The following SYT14 variants were observed in gnomAD, a reference collection of about 807,000 sequenced individuals.
SYT14 encodes synaptotagmin-14.
SYT14 carries 32 observed loss-of-function variants against 74.2 expected under a neutral mutation model. The observed-to-expected ratio is 0.43, with a 90% CI of 0.33 to 0.58. The LOEUF is 0.58. Among genes scored for constraint, SYT14 ranks in the 20% least tolerant of loss-of-function variants. The pLI, the probability that SYT14 is intolerant of heterozygous loss-of-function variation, is 0.05. For missense variants in SYT14, 791 were observed against 981.8 expected (o/e 0.81, Z 2.60); for synonymous variants, 298 against 337.7 (o/e 0.88, Z 1.29).
At chr1:209,941,548 C>T (rs1253426444) in intron 1 of SYT14, among the ~76,000 whole-genome samples, 1 of 152,196 alleles carries the variant, frequency 6.6e-6, no homozygotes, top group Non-Finnish European at 1.5e-5. Context: ...ATTTCCTCCT[C>T]TCTTGATTAC....
intron 5 of SYT14, among the ~76,000 whole-genome samples, chr1:210,043,590 G>C (rs1174030551): frequency 1.3e-5 from 2 of 152,164 alleles, no homozygotes; most frequent in Non-Finnish European, 2.9e-5. Flanking sequence ...TTTGGAACCA[G>C]AATTAACAAG....
At chr1:209,982,128 A>G (rs931356958) in intron 2 of SYT14, among the ~76,000 whole-genome samples, 3 of 152,066 alleles carry the variant, frequency 2.0e-5, no homozygotes, top group African/African-American at 4.8e-5. Flanking sequence ...ACATAGTCCC[A>G]TATTTCTCAA....
chr1:210,055,587 C>T (rs1264465480), intron 5 of SYT14, among the ~76,000 whole-genome samples: 1 of 151,260 alleles, frequency 6.6e-6, no homozygotes, highest in Admixed American at 6.6e-5. Context: ...GAGGCTAAGT[C>T]AGGAAGATTC....
At chr1:210,110,363 C>T (rs569468395) in intron 7 of SYT14, among the ~76,000 whole-genome samples, 4 of 152,078 alleles carry the variant, frequency 2.6e-5, no homozygotes, top group African/African-American at 7.2e-5. Flanking sequence ...TCCAGGAGGA[C>T]AAAATAGGAG....
Position 210,061,377 on chromosome 1 carries a change from G to A in SYT14, c.1313-32945G>A, listed in dbSNP as rs189115841. On this transcript the variant is annotated intron_variant, in intron 5 of 9. Coordinates refer to ENST00000637265, the Ensembl canonical transcript of SYT14. ...TATATGCGTTTATTCTTGCCTATGCGAATTTTAAATCAGAGGCTAATCAAC... is the reference window on the plus strand; with the variant it reads ...TATATGCGTTTATTCTTGCCTATGCAAATTTTAAATCAGAGGCTAATCAAC... Among the ~76,000 whole-genome samples the A allele has an allele frequency of 1.5e-4, 23 of 152,000 alleles. No homozygotes were observed. The East Asian group carries it at 2.7e-3, about 18-fold the overall frequency.
At chr1:210,093,519 A>G (rs1352359621) in intron 5 of SYT14, among the ~76,000 whole-genome samples, 1 of 152,154 alleles carries the variant, frequency 6.6e-6, no homozygotes, top group Non-Finnish European at 1.5e-5. Context: ...TTTATTCTCA[A>G]TCACCGAGGT....
chr1:210,082,632 T>C (rs1233721372), intron 5 of SYT14, among the ~76,000 whole-genome samples: 2 of 152,222 alleles, frequency 1.3e-5, no homozygotes, highest in African/African-American at 2.4e-5. Context: ...TGCCAACTTT[T>C]GTTAAAGATG....
intron 5 of SYT14, among the ~76,000 whole-genome samples, chr1:210,088,309 C>G (rs1469946511): frequency 6.6e-6 from 1 of 151,778 alleles, no homozygotes; most frequent in African/African-American, 2.4e-5. Context: ...ATCAACCGGT[C>G]ATCTACATTA....
At chr1:210,059,451 T>TATATATATATATATAGAGAGAGAGAGAG (rs377050610) in intron 5 of SYT14, among the ~76,000 whole-genome samples, 1 of 69,890 alleles carries the variant, frequency 1.4e-5, no homozygotes, top group African/African-American at 7.9e-5. Flanking sequence ...TATATATATA[T>TATATATATATATATAGAGAGAGAGAGAG]AGAGAGAGAG....
At chr1:210,051,490 A>G (rs1427108033) in intron 5 of SYT14, among the ~76,000 whole-genome samples, 1 of 152,168 alleles carries the variant, frequency 6.6e-6, no homozygotes. Flanking sequence ...GATAAATCCC[A>G]TTTCTTTTTT....
chr1:210,132,661 A>T (rs2082701763), intron 7 of SYT14, among the ~76,000 whole-genome samples: 1 of 151,526 alleles, frequency 6.6e-6, no homozygotes, highest in Admixed American at 6.6e-5. Context: ...TGTCTCAGAT[A>T]ATTCAGATAT....
chr1:209,985,789 A>G (rs923941580), intron 2 of SYT14, among the ~76,000 whole-genome samples: 1 of 152,214 alleles, frequency 6.6e-6, no homozygotes, highest in African/African-American at 2.4e-5. Flanking sequence ...CTTGCACTCC[A>G]AGTGCCTACA....
chr1:210,121,818 A>G (rs1207411710), intron 7 of SYT14, among the ~76,000 whole-genome samples: 1 of 151,936 alleles, frequency 6.6e-6, no homozygotes, highest in Non-Finnish European at 1.5e-5. Context: ...GAAGAAAGAA[A>G]TATATTCTGA....
intron 5 of SYT14, among the ~76,000 whole-genome samples, chr1:210,064,036 T>G (rs2081253451): frequency 6.6e-6 from 1 of 152,006 alleles, no homozygotes; most frequent in African/African-American, 2.4e-5. Context: ...GAAAGCTGAC[T>G]TTTAGTTATC....
At chr1:209,997,588 T>G (rs1198321775) in intron 2 of SYT14, among the ~76,000 whole-genome samples, 4 of 152,094 alleles carry the variant, frequency 2.6e-5, no homozygotes, top group Non-Finnish European at 5.9e-5. Flanking sequence ...ACTACCAATG[T>G]AATTCTTCAC....
intron 8 of SYT14, among the ~76,000 whole-genome samples, chr1:210,159,173 A>G (rs2083325904): frequency 7.0e-6 from 1 of 143,258 alleles, no homozygotes. Context: ...CATTAAAAAG[A>G]TGTCCCCCTT....
chr1:210,040,354 A>C (rs1301057653), intron 5 of SYT14, among the ~76,000 whole-genome samples: 1 of 152,038 alleles, frequency 6.6e-6, no homozygotes, highest in East Asian at 1.9e-4. Context: ...AACATCACAC[A>C]CTGGGATCTG....
At chr1:210,075,421 ACCT>A (rs1167732198) in intron 5 of SYT14, among the ~76,000 whole-genome samples, 1 of 128,198 alleles carries the variant, frequency 7.8e-6, no homozygotes, top group Non-Finnish European at 1.6e-5. Context: ...TGCAACCTCC[ACCT>A]CCTGGGTTCA....
intron 2 of SYT14, among the ~76,000 whole-genome samples, chr1:209,991,829 C>T (rs1303576397): frequency 6.9e-6 from 1 of 144,098 alleles, no homozygotes; most frequent in African/African-American, 2.6e-5. Context: ...GACTCCGTCT[C>T]GAGAAAAAAA....
Sources: gnomAD v4.1 joint callset for allele counts (sites outside exome capture counted in the v4.1 genomes callset) on GRCh38, gnomAD v4.1.1 for gene constraint, MANE v1.5 for transcripts, NCBI Gene and HGNC (gene_info 2026-07-23, HGNC 2026-07-21) for gene names.